LAMA2: variants seen among roughly 807,000 people sequenced by gnomAD.
The protein encoded by LAMA2 is laminin subunit alpha 2.
In LAMA2, 269 loss-of-function variants were observed where a neutral mutation model predicts 364.8. The observed-to-expected ratio is 0.74, with a 90% confidence interval of 0.67 to 0.82. The LOEUF is 0.82. Ranked by LOEUF, LAMA2 falls within the 40% of genes least tolerant of loss-of-function variation. The probability of loss-of-function intolerance (pLI) is 0.00; values close to 1 mark genes in which losing one functional copy is unlikely to be tolerated. For missense variants in LAMA2, 3,807 were observed against 3,873.2 expected (o/e 0.98, Z 0.45); for synonymous variants, 1,379 against 1,370.6 (o/e 1.01, Z -0.14).
chr6:129,365,621 T>G (rs545542414), intron 32 of LAMA2, among the ~76,000 whole-genome samples: 2 of 151,606 alleles, frequency 1.3e-5, no homozygotes, highest in Non-Finnish European at 2.9e-5. Flanking sequence ...CCTCGGCCTC[T>G]CAAAGTGTTG....
chr6:129,516,101 T>G lies in LAMA2; in HGVS notation c.9212-89T>G, dbSNP rs1787047918. ...TGCATAAAACAGCATTCCAATTTAATCTCAAGCTAACAGTTGACTTTGAAA... is the reference window on the plus strand; with the variant it reads ...TGCATAAAACAGCATTCCAATTTAAGCTCAAGCTAACAGTTGACTTTGAAA... On this transcript the variant is annotated intron_variant, in intron 64 of 64. Coordinates refer to ENST00000421865, the MANE Select transcript of LAMA2 (RefSeq NM_000426.4). The G allele has an allele frequency of 1.1e-5, 16 of 1,397,216 alleles. No homozygotes were observed. In the South Asian group the frequency reaches 1.9e-4, roughly 16 times the overall value. 86.6% of individuals were successfully genotyped at this position (1,397,216 alleles called of 1,614,324 possible).
At chr6:129,275,071 T>G (rs1052367038) in intron 17 of LAMA2, among the ~76,000 whole-genome samples, 1 of 151,994 alleles carries the variant, frequency 6.6e-6, no homozygotes, top group Non-Finnish European at 1.5e-5. Context: ...GAAATTTAAG[T>G]TTTTGAAAGA....
intron 4 of LAMA2, among the ~76,000 whole-genome samples, chr6:129,135,686 G>A (rs1746471256): frequency 6.6e-6 from 1 of 152,204 alleles, no homozygotes; most frequent in South Asian, 2.1e-4. Flanking sequence ...AGGAGAGTGA[G>A]AGAACTTCCT....
chr6:128,955,678 T>A (rs1366147762), intron 1 of LAMA2, among the ~76,000 whole-genome samples: 1 of 151,992 alleles, frequency 6.6e-6, no homozygotes, highest in Admixed American at 6.6e-5. Flanking sequence ...TGGTTTTTAT[T>A]AAAATAAGTC....
chr6:129,144,775 A>T (rs1778332094), intron 5 of LAMA2, among the ~76,000 whole-genome samples: 1 of 152,050 alleles, frequency 6.6e-6, no homozygotes, highest in Non-Finnish European at 1.5e-5. Flanking sequence ...TTTCCTTTAC[A>T]AATAAAATAT....
intron 1 of LAMA2, among the ~76,000 whole-genome samples, chr6:128,932,698 G>A (rs1472988538): frequency 1.3e-5 from 2 of 152,006 alleles, no homozygotes; most frequent in Non-Finnish European, 2.9e-5. Flanking sequence ...ATTTATAGAG[G>A]TATAATTGAC....
Position 129,280,053 on chromosome 6 carries a change from C to T in LAMA2, c.2451-8C>T, listed in dbSNP as rs1216224963. On this transcript the variant is annotated splice_polypyrimidine_tract_variant and splice_region_variant and intron_variant, in intron 17 of 64. Transcript: ENST00000421865. Reference sequence around the variant, plus strand: ...TTGTCCCTGTTTTCCGCAACAACATCAACATAGCTTTAGCCCAACGTGCCA... The same window carrying T: ...TTGTCCCTGTTTTCCGCAACAACATTAACATAGCTTTAGCCCAACGTGCCA... 5.0e-6 allele frequency: 8 copies of T among 1,602,486 alleles called. No individual in the cohort carries two copies. The South Asian group carries it at 7.7e-5, about 15-fold the overall frequency.
At chr6:129,202,544 T>A (rs921460110) in intron 12 of LAMA2, among the ~76,000 whole-genome samples, 1 of 152,148 alleles carries the variant, frequency 6.6e-6, no homozygotes, top group Non-Finnish European at 1.5e-5. Context: ...GATGCCTGGA[T>A]CTTGGATTTC....
chr6:129,265,246 T>G (rs932647102), intron 15 of LAMA2, among the ~76,000 whole-genome samples: 1 of 152,178 alleles, frequency 6.6e-6, no homozygotes, highest in Non-Finnish European at 1.5e-5. Context: ...ATCTCTGGAC[T>G]TGTTAGTGCA....
rs765605656 is a variant in LAMA2, at chr6:129,473,258, A to C, written c.7345A>C (p.Ile2449Leu). The C allele has an allele frequency of 1.2e-6, 2 of 1,607,390 alleles. No individual in the cohort carries two copies. Among genetic ancestry groups the C allele is most frequent in the Non-Finnish European group, 1.7e-6 (2 of 1,174,520 alleles). Residue 2449 changes from isoleucine (I) to leucine (L), a missense_variant, in exon 52 of 65, where the codon ATA (isoleucine) becomes CTA (leucine). Physicochemically the swap from Ile to Leu is conservative, Grantham distance 5. Around this residue, in one of 3 missense-constraint regions of LAMA2, gnomAD observed 3,333 missense variants for 3,345.7 expected, o/e 1.00. Transcript: ENST00000421865. ...VDIDTNQEEN[I>L]ATSSSGNNFG... ...TATAGATACTAATCAGGAGGAGAATATAGCAACTTCGTCTTCTGGAAACAA... is the reference window on the plus strand; with the variant it reads ...TATAGATACTAATCAGGAGGAGAATCTAGCAACTTCGTCTTCTGGAAACAA...
At chr6:128,943,492 G>A (rs985977323) in intron 1 of LAMA2, among the ~76,000 whole-genome samples, 2 of 151,276 alleles carry the variant, frequency 1.3e-5, no homozygotes, top group Non-Finnish European at 2.9e-5. Flanking sequence ...GGGTTTTGCT[G>A]TGTTGCCCAA....
chr6:129,087,594 C>G (rs1255772495), intron 3 of LAMA2, among the ~76,000 whole-genome samples: 1 of 151,850 alleles, frequency 6.6e-6, no homozygotes, highest in Middle Eastern at 3.2e-3. Flanking sequence ...ATTACTTTTC[C>G]AAAGAAAATT....
At chr6:129,096,075 C>A (rs1260905250) in intron 3 of LAMA2, among the ~76,000 whole-genome samples, 1 of 152,176 alleles carries the variant, frequency 6.6e-6, no homozygotes, top group Non-Finnish European at 1.5e-5. Context: ...ATAGCAGAGA[C>A]AACTCTATCT....
chr6:129,172,942 C>A (rs1780302173), intron 9 of LAMA2, among the ~76,000 whole-genome samples: 1 of 152,216 alleles, frequency 6.6e-6, no homozygotes, highest in East Asian at 1.9e-4. Flanking sequence ...TTTCCAGGTG[C>A]CGTCCGTCAC....
chr6:129,033,165 A>C (rs537612774), intron 1 of LAMA2, among the ~76,000 whole-genome samples: 3 of 152,186 alleles, frequency 2.0e-5, no homozygotes, highest in Non-Finnish European at 4.4e-5. Context: ...GAGAAGAATG[A>C]AATAAGAAAA....
chr6:129,112,285 T>C (rs1419043081), intron 4 of LAMA2, among the ~76,000 whole-genome samples: 1 of 151,644 alleles, frequency 6.6e-6, no homozygotes, highest in African/African-American at 2.4e-5. Flanking sequence ...CATTAGTTTG[T>C]TATTTCAGTG....
chr6:128,996,541 G>T (rs1320752123), intron 1 of LAMA2, among the ~76,000 whole-genome samples: 1 of 151,790 alleles, frequency 6.6e-6, no homozygotes, highest in African/African-American at 2.4e-5. Context: ...ACCATCACTG[G>T]TAATTAGAGA....
At chr6:129,101,354 T>A (rs1385638844) in intron 4 of LAMA2, among the ~76,000 whole-genome samples, 1 of 152,214 alleles carries the variant, frequency 6.6e-6, no homozygotes, top group Non-Finnish European at 1.5e-5. Flanking sequence ...TTACCTCCAT[T>A]GTTGAGGGAT....
chr6:129,347,346 G>A (rs377416312), intron 30 of LAMA2, among the ~76,000 whole-genome samples: 171 of 152,206 alleles, frequency 1.1e-3, no homozygotes, highest in African/African-American at 3.7e-3. Context: ...TTAGATCTGC[G>A]AAGGTAGGCA....
Sources: gnomAD v4.1 joint callset for allele counts (sites outside exome capture counted in the v4.1 genomes callset) on GRCh38, gnomAD v4.1.1 for gene constraint, gnomAD v4.1.1 regional missense constraint, MANE v1.5 for transcripts, NCBI Gene and HGNC (gene_info 2026-07-23, HGNC 2026-07-21) for gene names.